The following DCDC1 variants were observed in gnomAD, a reference collection of about 807,000 sequenced individuals.
DCDC1 encodes the protein doublecortin domain containing 1, also known as doublecortin domain-containing protein 1.
Under a neutral mutation model 178.3 loss-of-function variants are expected in DCDC1, and 200 were observed. That is an observed-to-expected ratio of 1.12 (90% CI 1.00 to 1.26). The LOEUF is 1.26. DCDC1 is among the 50% of genes most tolerant of loss of function. The pLI, the probability that DCDC1 is intolerant of heterozygous loss-of-function variation, is 0.00. For missense variants in DCDC1, 1,983 were observed against 1,749.2 expected, an observed-to-expected ratio of 1.13 and a Z score of -2.38; for synonymous variants, 690 against 604.8, an observed-to-expected ratio of 1.14 and a Z score of -2.07.
rs542768126 is a variant in DCDC1, at chr11:31,149,507, A to G, written c.1222-11723T>C. 2.6e-5 allele frequency among the ~76,000 whole-genome samples: 4 copies of G among 151,786 alleles called. No homozygotes were observed. The South Asian group carries it at 8.3e-4, about 32-fold the overall frequency. On this transcript the variant is annotated intron_variant, in intron 9 of 38. Coordinates refer to ENST00000684477, the MANE Select transcript of DCDC1 (RefSeq NM_001387274.1). ...CTGGCCACCCCAGCCAGCAGCAGCA[A>G]CCCGCCCAGCAGCAGCAACCTGCTC...
chr11:31,369,513 C>T (rs1952162063), intron 1 of DCDC1, among the ~76,000 whole-genome samples, 184 bp downstream of exon 1: 1 of 152,114 alleles, frequency 6.6e-6, no homozygotes, highest in African/African-American at 2.4e-5. Context: ...CAAGCACCAA[C>T]CGAAAAGATT....
chr11:31,106,957 G>A lies in DCDC1; in HGVS notation c.1591C>T (p.Leu531Phe), dbSNP rs940862737. The A allele has an allele frequency of 5.2e-6, 4 of 764,916 alleles. No homozygotes were observed. Among genetic ancestry groups the A allele is most frequent in the Non-Finnish European group, 9.6e-6 (4 of 417,438 alleles). 47.4% of individuals were successfully genotyped at this position (764,916 alleles called of 1,614,324 possible). A position where few individuals can be genotyped will look rare whatever the true frequency, so the allele number is the denominator to read the frequency against. Reference sequence around the variant, plus strand: ...TGAAGCCTTTGATGAATCTTGAGAAGTAACTGGTTGGGGGTTAGAGGGGCA... The same window carrying A: ...TGAAGCCTTTGATGAATCTTGAGAAATAACTGGTTGGGGGTTAGAGGGGCA... Reference protein sequence around the residue: ...IQTDHMMERLLLKIHQRLQGS... With the variant: ...IQTDHMMERLFLKIHQRLQGS... Residue 531 changes from leucine to phenylalanine, a missense_variant, in exon 13 of 39, where the codon CTT becomes TTT. Physicochemically the swap from Leu to Phe is conservative, Grantham distance 22. Transcript: ENST00000684477.
intron 36 of DCDC1, among the ~76,000 whole-genome samples, chr11:30,888,062 G>GAAAGAAAGAA (rs1363691155): frequency 1.4e-4 from 7 of 48,700 alleles, no homozygotes; most frequent in African/African-American, 2.9e-4. Flanking sequence ...AAGAAAGAAA[G>GAAAGAAAGAA]AGAGAGAGAG....
rs1436475894 is a variant in DCDC1, at chr11:30,955,819, CCTT to C, written c.2592-3254_2592-3252del. 5.3e-5 allele frequency among the ~76,000 whole-genome samples: 8 copies of C among 152,290 alleles called. No homozygotes were observed. In the East Asian group the frequency reaches 1.3e-3, roughly 26 times the overall value. On this transcript the variant is annotated intron_variant, in intron 20 of 38. Transcript: ENST00000684477. ...TTGCCCTCAACCCATTGCCCCTTCTCCTTCTCTGTATTAACTTAAAAAATAAAT... is the reference window on the plus strand; with the variant it reads ...TTGCCCTCAACCCATTGCCCCTTCTCCTCTGTATTAACTTAAAAAATAAAT...
intron 20 of DCDC1, among the ~76,000 whole-genome samples, chr11:31,022,601 G>T (rs1952945510): frequency 6.9e-6 from 1 of 145,678 alleles, no homozygotes; most frequent in Admixed American, 6.9e-5. Flanking sequence ...CATACAGATT[G>T]GTACCTTTAC....
At chr11:31,137,363 T>A (rs1466984047) in intron 10 of DCDC1, among the ~76,000 whole-genome samples, 1 of 151,612 alleles carries the variant, frequency 6.6e-6, no homozygotes, top group Non-Finnish European at 1.5e-5. Flanking sequence ...AGGTTTTTTT[T>A]TTTTTTTTTA....
intron 21 of DCDC1, among the ~76,000 whole-genome samples, chr11:30,935,115 T>G (rs898032296): frequency 6.6e-6 from 1 of 152,190 alleles, no homozygotes; most frequent in Non-Finnish European, 1.5e-5. Flanking sequence ...AGTATAGGAT[T>G]GCATTCTAAA....
intron 11 of DCDC1, among the ~76,000 whole-genome samples, chr11:31,117,195 T>A (rs1266153481): frequency 6.6e-6 from 1 of 152,100 alleles, no homozygotes; most frequent in East Asian, 1.9e-4. Flanking sequence ...AATCGCAGCT[T>A]TCTGGTACCC....
chr11:31,311,933 A>G (rs1193439180), intron 3 of DCDC1, among the ~76,000 whole-genome samples: 1 of 152,142 alleles, frequency 6.6e-6, no homozygotes, highest in Non-Finnish European at 1.5e-5. Flanking sequence ...ACGACCAGTC[A>G]CAAGAACAAT....
intron 20 of DCDC1, among the ~76,000 whole-genome samples, chr11:31,057,292 G>GGAAA (rs1471542903): frequency 6.8e-6 from 1 of 147,634 alleles, no homozygotes; most frequent in Admixed American, 6.8e-5. Flanking sequence ...AGGGAGGGAA[G>GGAAA]GAAAGAAAGA....
intron 9 of DCDC1, among the ~76,000 whole-genome samples, chr11:31,210,888 G>A (rs1194289724): frequency 2.6e-5 from 4 of 151,976 alleles, no homozygotes; most frequent in South Asian, 2.1e-4. Context: ...ACATTCACAC[G>A]GTAAGAGGCA....
At chr11:31,192,072 C>T (rs1363607235) in intron 9 of DCDC1, among the ~76,000 whole-genome samples, 3 of 151,924 alleles carry the variant, frequency 2.0e-5, no homozygotes, top group African/African-American at 7.3e-5. Context: ...TTTCCTTATC[C>T]AGGTAATCAC....
chr11:30,873,350 T>TAGAGAG (rs1471623456), intron 38 of DCDC1, among the ~76,000 whole-genome samples: 2 of 135,706 alleles, frequency 1.5e-5, no homozygotes, highest in Non-Finnish European at 3.2e-5. Flanking sequence ...TATACATATA[T>TAGAGAG]ATATATATAT....
intron 9 of DCDC1, among the ~76,000 whole-genome samples, chr11:31,205,545 C>CT (rs1391080650): frequency 6.6e-6 from 1 of 152,084 alleles, no homozygotes. Context: ...AATTCTTATT[C>CT]TTTTGACTAA....
intron 21 of DCDC1, among the ~76,000 whole-genome samples, chr11:30,939,945 T>G (rs537579521): frequency 3.3e-5 from 5 of 152,354 alleles, no homozygotes; most frequent in South Asian, 4.1e-4. Flanking sequence ...TTTCTATGGT[T>G]TTTGGACTAT....
At chr11:31,290,624 T>C (rs775853715) in intron 7 of DCDC1, 23 bp downstream of exon 7, 35 of 1,583,356 alleles carry the variant, frequency 2.2e-5, no homozygotes, top group Non-Finnish European at 2.7e-5. Flanking sequence ...AAATTCATAG[T>C]TCAATATTTA....
intron 20 of DCDC1, among the ~76,000 whole-genome samples, chr11:30,957,174 G>A (rs1340737424): frequency 1.3e-5 from 2 of 152,014 alleles, no homozygotes; most frequent in African/African-American, 4.8e-5. Flanking sequence ...CTTTGCTCCT[G>A]CTTTCTGCTG....
At chr11:31,298,492 C>T (rs1041847422) in intron 6 of DCDC1, among the ~76,000 whole-genome samples, 4 of 152,124 alleles carry the variant, frequency 2.6e-5, no homozygotes, top group East Asian at 1.9e-4. Flanking sequence ...CCAAAAGGGT[C>T]GTATCTCAGC....
At position 30,920,767 on chromosome 11, in the gene DCDC1, A is replaced by G. The variant is rs189617455; in HGVS notation, c.3293+9T>C. On this transcript the variant is annotated intron_variant, in intron 25 of 38. Transcript: ENST00000684477. ...CCAGGTAGCTTTTCAGGCTACACTG[A>G]TTACTTACAGAATTTCACTGGAAGC... 9.7e-5 allele frequency: 157 copies of G among 1,612,978 alleles called. No homozygotes were observed. The highest frequency in any genetic ancestry group is 5.3e-4 in the Admixed American group (32 of 59,924).
Sources: allele counts gnomAD v4.1 joint callset (sites outside exome capture counted in the v4.1 genomes callset), GRCh38; gene constraint gnomAD v4.1.1; transcripts MANE v1.5; gene names NCBI Gene and HGNC (gene_info 2026-07-23, HGNC 2026-07-21).